Variants in GPC5 observed in about 807,000 individuals in gnomAD.
GPC5 encodes the protein glypican 5, also known as glypican-5.
In GPC5, 47 loss-of-function variants were observed where a neutral mutation model predicts 53.9. That is an observed-to-expected ratio of 0.87 (90% confidence interval 0.69 to 1.11). The LOEUF (loss-of-function observed/expected upper bound fraction) is 1.11, where lower values mean the gene tolerates loss of function less well. Ranked by LOEUF, GPC5 falls within the 50% of genes most tolerant of loss-of-function variation. The pLI, the probability that GPC5 is intolerant of heterozygous loss-of-function variation, is 0.00. For missense variants in GPC5, 748 were observed against 713.1 expected (o/e 1.05, Z -0.56); for synonymous variants, 286 against 263.3 (o/e 1.09, Z -0.84).
At chr13:92,014,157 T>C (rs1157677510) in intron 6 of GPC5, among the ~76,000 whole-genome samples, 1 of 152,176 alleles carries the variant, frequency 6.6e-6, no homozygotes, top group African/African-American at 2.4e-5. Context: ...TAGCTCCTAG[T>C]ACAGTAACTG....
At chr13:91,450,259 CTGAT>C (rs1251238829) in intron 2 of GPC5, among the ~76,000 whole-genome samples, 15 of 152,108 alleles carry the variant, frequency 9.9e-5, no homozygotes, top group African/African-American at 3.4e-4. Flanking sequence ...GGAAAATTTA[CTGAT>C]ATACATTTTA....
At chr13:92,530,927 A>G (rs1308597971) in intron 7 of GPC5, among the ~76,000 whole-genome samples, 1 of 152,204 alleles carries the variant, frequency 6.6e-6, no homozygotes, top group Non-Finnish European at 1.5e-5. Context: ...GATCTTTTGA[A>G]AAGCACACAT....
chr13:91,600,305 CAGAGAGAGAGAGAGAG>C (rs67108031), intron 2 of GPC5, among the ~76,000 whole-genome samples: 2,051 of 146,566 alleles, frequency 0.014, 21 homozygotes, highest in Middle Eastern at 0.045. Flanking sequence ...GTTCATTTTA[CAGAGAGAGAGAGAGAG>C]AGAGAGAGAG....
At chr13:92,754,123 C>T (rs1319622521) in intron 7 of GPC5, among the ~76,000 whole-genome samples, 5 of 152,152 alleles carry the variant, frequency 3.3e-5, no homozygotes, top group South Asian at 2.1e-4. Context: ...AGACTAACAG[C>T]GGATCTCTCG....
chr13:91,585,820 C>T (rs7319303), intron 2 of GPC5, among the ~76,000 whole-genome samples: 71,033 of 151,976 alleles, frequency 0.47, 18,367 homozygotes, highest in African/African-American at 0.71. Context: ...GAGGTTTTCT[C>T]TTTTCATTTT....
chr13:92,617,303 A>T (rs1884724665), intron 7 of GPC5, among the ~76,000 whole-genome samples: 1 of 152,166 alleles, frequency 6.6e-6, no homozygotes, highest in African/African-American at 2.4e-5. Flanking sequence ...AGCTAGTGGT[A>T]TCATAATAAA....
chr13:92,850,523 C>A (rs562368733), intron 7 of GPC5, among the ~76,000 whole-genome samples: 7 of 152,018 alleles, frequency 4.6e-5, no homozygotes, highest in African/African-American at 1.7e-4. Flanking sequence ...CGCTGGAACC[C>A]AGGAGGTGGA....
intron 6 of GPC5, among the ~76,000 whole-genome samples, chr13:91,927,646 T>C (rs1357661068): frequency 6.6e-6 from 1 of 152,194 alleles, no homozygotes; most frequent in Non-Finnish European, 1.5e-5. Context: ...GAACAACTTA[T>C]GGAAGTTTTG....
chr13:92,131,739 AGAT>A (rs926871690), intron 6 of GPC5, among the ~76,000 whole-genome samples: 3 of 151,970 alleles, frequency 2.0e-5, no homozygotes, highest in Admixed American at 6.6e-5. Flanking sequence ...GGTATTTCTA[AGAT>A]GATTTTTTTT....
At chr13:91,868,347 G>T (rs911163881) in intron 5 of GPC5, among the ~76,000 whole-genome samples, 7 of 152,156 alleles carry the variant, frequency 4.6e-5, no homozygotes, top group African/African-American at 1.7e-4. Context: ...TTTGGAAAGT[G>T]TCAATTTTAG....
intron 7 of GPC5, among the ~76,000 whole-genome samples, chr13:92,638,995 A>G (rs9523741): frequency 0.34 from 50,832 of 150,028 alleles, 9,856 homozygotes; most frequent in Non-Finnish European, 0.45. Flanking sequence ...TAAATTCTAC[A>G]TATAAATAGG....
At chr13:92,802,596 C>T (rs1378244094) in intron 7 of GPC5, among the ~76,000 whole-genome samples, 1 of 151,802 alleles carries the variant, frequency 6.6e-6, no homozygotes, top group Non-Finnish European at 1.5e-5. Context: ...GGCACATACA[C>T]ACCATGGAAT....
At chr13:92,245,850 C>T (rs2042646415) in intron 7 of GPC5, among the ~76,000 whole-genome samples, 2 of 152,006 alleles carry the variant, frequency 1.3e-5, no homozygotes, top group South Asian at 2.1e-4. Context: ...TTTATTTTAA[C>T]ATCTTTTTGT....
At chr13:91,621,090 G>A (rs2033842255) in intron 2 of GPC5, among the ~76,000 whole-genome samples, 2 of 152,108 alleles carry the variant, frequency 1.3e-5, no homozygotes, top group Non-Finnish European at 1.5e-5. Context: ...TGGGGAGATA[G>A]TCCAGATCTC....
At chr13:91,848,493 C>A (rs907463752) in intron 5 of GPC5, among the ~76,000 whole-genome samples, 2 of 151,992 alleles carry the variant, frequency 1.3e-5, no homozygotes, top group Admixed American at 6.6e-5. Flanking sequence ...CTGGGAGGGG[C>A]TCCAGCCTAA....
At chr13:92,170,346 C>T (rs2042060516) in intron 7 of GPC5, among the ~76,000 whole-genome samples, 1 of 149,742 alleles carries the variant, frequency 6.7e-6, no homozygotes, top group African/African-American at 2.5e-5. Flanking sequence ...TCTGATGATG[C>T]TAATTACATT....
chr13:92,809,492 T>A (rs1463861134), intron 7 of GPC5, among the ~76,000 whole-genome samples: 2 of 152,162 alleles, frequency 1.3e-5, no homozygotes, highest in Non-Finnish European at 2.9e-5. Context: ...TCCAGGGTAA[T>A]AAGACTCAGA....
chr13:92,414,694 C>A (rs1346469142), intron 7 of GPC5, among the ~76,000 whole-genome samples: 2 of 152,088 alleles, frequency 1.3e-5, no homozygotes, highest in Non-Finnish European at 2.9e-5. Context: ...GACTGAGCAA[C>A]TTATAAACGA....
chr13:91,512,750 ATCT>A (rs1292165482), intron 2 of GPC5, among the ~76,000 whole-genome samples: 2 of 152,158 alleles, frequency 1.3e-5, no homozygotes, highest in Admixed American at 1.3e-4. Flanking sequence ...TGGTGGAATC[ATCT>A]TCTTGCTGTG....
Sources: allele counts gnomAD v4.1 joint callset (sites outside exome capture counted in the v4.1 genomes callset), GRCh38; gene constraint gnomAD v4.1.1; transcripts MANE v1.5; gene names NCBI Gene and HGNC (gene_info 2026-07-23, HGNC 2026-07-21).